The following PDE8A variants were observed in gnomAD, a reference collection of about 807,000 sequenced individuals.
PDE8A encodes the protein high affinity cAMP-specific and IBMX-insensitive 3',5'-cyclic phosphodiesterase 8A.
In PDE8A, 59 loss-of-function variants were observed where a neutral mutation model predicts 105.0. The observed-to-expected ratio is 0.56, with a 90% CI of 0.46 to 0.70. PDE8A has a LOEUF of 0.70. PDE8A is among the 30% of genes least tolerant of loss of function. The pLI is 0.00. For missense variants in PDE8A, 1,014 were observed against 1,045.9 expected (o/e 0.97, Z 0.42); for synonymous variants, 355 against 371.9 (o/e 0.95, Z 0.52).
intron 1 of PDE8A, among the ~76,000 whole-genome samples, chr15:85,034,505 A>T (rs551028229): frequency 1.3e-5 from 2 of 152,222 alleles, no homozygotes; most frequent in African/African-American, 4.8e-5. Context: ...CTGTGGGAGG[A>T]GAGGGGAAAG....
chr15:85,027,436 A>G (rs2080536933), intron 1 of PDE8A, among the ~76,000 whole-genome samples: 1 of 152,218 alleles, frequency 6.6e-6, no homozygotes, highest in Non-Finnish European at 1.5e-5. Context: ...AAGGCTTTCT[A>G]CCTTCAGTGT....
chr15:84,995,914 T>C (rs1276137642), intron 1 of PDE8A, among the ~76,000 whole-genome samples: 2 of 152,180 alleles, frequency 1.3e-5, no homozygotes, highest in Non-Finnish European at 1.5e-5. Context: ...TGAGAGGTGG[T>C]ATTTTATTGG....
At chr15:85,078,211 A>G (rs2081408088) in intron 5 of PDE8A, among the ~76,000 whole-genome samples, 1 of 151,246 alleles carries the variant, frequency 6.6e-6, no homozygotes, top group Non-Finnish European at 1.5e-5. Context: ...CAAAAGACTG[A>G]CACACACACT....
intron 1 of PDE8A, among the ~76,000 whole-genome samples, chr15:84,985,889 T>G (rs146816533): frequency 6.6e-6 from 1 of 152,248 alleles, no homozygotes; most frequent in Non-Finnish European, 1.5e-5. Context: ...CAGGGAATAA[T>G]ATATTTCTAC....
rs145634642 is a variant in PDE8A, at chr15:85,100,946, C to A, written c.1036+748C>A. 1.5e-3 allele frequency among the ~76,000 whole-genome samples: 231 copies of A among 152,348 alleles called. 2 individuals carry two copies. Among genetic ancestry groups the A allele is most frequent in the African/African-American group, 5.3e-3 (220 of 41,568 alleles). ...ATGCTGTTGGTGACATGCTTTCTGC[C>A]TTACCAGAACAGTTCATTCTTTCAT... is the stretch of plus-strand genomic sequence containing the variant. On this transcript the variant is annotated intron_variant, in intron 11 of 21. Coordinates refer to ENST00000394553, the MANE Select transcript of PDE8A (RefSeq NM_002605.3).
At chr15:85,075,251 C>T (rs2081364907) in intron 3 of PDE8A, among the ~76,000 whole-genome samples, 1 of 152,230 alleles carries the variant, frequency 6.6e-6, no homozygotes, top group Non-Finnish European at 1.5e-5. Context: ...TTTAGTCGAA[C>T]AGTCTCTTGT....
chr15:85,022,407 T>G lies in PDE8A; in HGVS notation c.186+40059T>G, dbSNP rs1172948908. 2.0e-5 allele frequency among the ~76,000 whole-genome samples: 3 copies of G among 148,784 alleles called. No individual in the cohort carries two copies. The East Asian group carries it at 5.9e-4, about 29-fold the overall frequency. ...CTAGCACCAGTCCACCCAGGCAGCT[T>G]TGTCTGGGTATTGGAAGTGTTTTTT... On this transcript the variant is annotated intron_variant, in intron 1 of 21. Transcript: ENST00000394553.
intron 1 of PDE8A, among the ~76,000 whole-genome samples, chr15:85,011,474 T>C (rs1245821941): frequency 6.6e-6 from 1 of 152,222 alleles, no homozygotes; most frequent in Non-Finnish European, 1.5e-5. Flanking sequence ...TGTCCAGTTT[T>C]AATTAAATTT....
In PDE8A at chr15:85,071,068, A is replaced by G. The variant is rs189438464; in HGVS notation, c.434+3864A>G. On this transcript the variant is annotated intron_variant, in intron 3 of 21. Transcript: ENST00000394553. Reference sequence around the variant, plus strand: ...ATAAATAAAAACCCACAAAGATAAGATGATAGGTCAGAAGCTGAGAGAACA... The same window carrying G: ...ATAAATAAAAACCCACAAAGATAAGGTGATAGGTCAGAAGCTGAGAGAACA... Among the ~76,000 whole-genome samples, 143 of 152,356 alleles carry G rather than the reference A, an allele frequency of 9.4e-4. 1 individual carries two copies. The highest frequency in any genetic ancestry group is 3.3e-3 in the African/African-American group (138 of 41,576).
At chr15:85,093,347 C>G (rs1254674898) in intron 8 of PDE8A, among the ~76,000 whole-genome samples, 3 of 152,136 alleles carry the variant, frequency 2.0e-5, no homozygotes, top group Non-Finnish European at 4.4e-5. Flanking sequence ...GCTGAGCTGG[C>G]CTGTGTTTTG....
Position 85,092,870 on chromosome 15 carries a change from G to C in PDE8A, c.852+1689G>C, listed in dbSNP as rs543974993. ...TGCTCTCTAAAATTATACTTATTGT[G>C]AGCAAGGAATAGGAAACATCATCAA... On this transcript the variant is annotated intron_variant, in intron 8 of 21. Coordinates refer to ENST00000394553, the MANE Select transcript of PDE8A (RefSeq NM_002605.3). 9.5e-4 allele frequency among the ~76,000 whole-genome samples: 144 copies of C among 151,912 alleles called. 1 individual carries two copies. The highest frequency in any genetic ancestry group is 3.4e-3 in the African/African-American group (139 of 41,398).
chr15:85,121,552 C>T lies in PDE8A; in HGVS notation c.1952+538C>T, dbSNP rs564092185. Among the ~76,000 whole-genome samples, 18 of 152,166 alleles carry T rather than the reference C, an allele frequency of 1.2e-4. 1 individual carries two copies. Among genetic ancestry groups the T allele is most frequent in the Admixed American group, 7.2e-4 (11 of 15,292 alleles). On this transcript the variant is annotated intron_variant, in intron 18 of 21. Transcript: ENST00000394553. ...ATTAGATTCTTAAGCTCTGTAAGGT[C>T]ACAAGGGTCATATGTCACTGTGCCC... is the stretch of plus-strand genomic sequence containing the variant.
At chr15:85,071,250 T>G (rs1343694209) in intron 3 of PDE8A, among the ~76,000 whole-genome samples, 5 of 152,242 alleles carry the variant, frequency 3.3e-5, no homozygotes, top group African/African-American at 1.2e-4. Flanking sequence ...ACTCCCACTG[T>G]GTTCTGCCAA....
At chr15:84,988,395 A>G (rs2079836802) in intron 1 of PDE8A, among the ~76,000 whole-genome samples, 1 of 152,236 alleles carries the variant, frequency 6.6e-6, no homozygotes, top group Admixed American at 6.5e-5. Flanking sequence ...GAAGTTGGTT[A>G]CAGCTCTACC....
intron 9 of PDE8A, among the ~76,000 whole-genome samples, chr15:85,098,878 T>G (rs886817915): frequency 6.6e-6 from 1 of 151,794 alleles, no homozygotes; most frequent in African/African-American, 2.4e-5. Flanking sequence ...AATCGCTTGA[T>G]CTTGGGAGGT....
Position 85,138,389 on chromosome 15 carries a change from G to A in PDE8A, c.*486G>A, listed in dbSNP as rs574489856. 1 of 152,744 alleles carries A rather than the reference G, an allele frequency of 6.5e-6. No homozygotes were observed. The highest frequency in any genetic ancestry group is 1.9e-4 in the East Asian group (1 of 5,188). The allele number at this position is 152,744 out of a possible 1,614,324, so 9.5% of individuals were successfully genotyped here. On this transcript the variant is annotated 3_prime_UTR_variant, in exon 22 of 22. Coordinates refer to ENST00000394553, the MANE Select transcript of PDE8A (RefSeq NM_002605.3). ...ACTTCTCTTTTAAAATTGAGTAGCAGATGAAAAATTAAAATTTGAACTTGA... is the reference window on the plus strand; with the variant it reads ...ACTTCTCTTTTAAAATTGAGTAGCAAATGAAAAATTAAAATTTGAACTTGA...
At chr15:85,002,214 G>C (rs1356128247) in intron 1 of PDE8A, among the ~76,000 whole-genome samples, 1 of 152,084 alleles carries the variant, frequency 6.6e-6, no homozygotes, top group African/African-American at 2.4e-5. Flanking sequence ...GAAAGTAGTA[G>C]GTCTTTAGGT....
At chr15:85,083,481 TTAAAGAGTTATTTTTA>T in intron 5 of PDE8A, 59 bp from the exon 6 acceptor site, 1 of 852,606 alleles carries the variant, frequency 1.2e-6, no homozygotes, top group East Asian at 2.5e-5. Context: ...AGAAGTTTGT[TTAAAGAGTTATTTTTA>T]TTGGCACAAA....
intron 1 of PDE8A, among the ~76,000 whole-genome samples, chr15:85,031,526 TA>T (rs1322571735): frequency 6.6e-6 from 1 of 152,132 alleles, no homozygotes; most frequent in African/African-American, 2.4e-5. Context: ...CAGAATCACT[TA>T]AACCATCTTC....
Sources: gnomAD v4.1 joint callset for allele counts (sites outside exome capture counted in the v4.1 genomes callset) on GRCh38, gnomAD v4.1.1 for gene constraint, MANE v1.5 for transcripts, NCBI Gene and HGNC (gene_info 2026-07-23, HGNC 2026-07-21) for gene names.